GALNT17: variants seen among roughly 807,000 people sequenced by gnomAD.
GALNT17 encodes UDP-GalNAc:polypeptide N-acetylgalactosaminyltransferase-like 3.
A neutral mutation model predicts 63.7 loss-of-function variants in GALNT17; 29 were observed. That is an observed-to-expected ratio of 0.46 (90% CI 0.34 to 0.62). GALNT17 has a LOEUF of 0.62. Ranked by LOEUF, GALNT17 falls within the 20% of genes least tolerant of loss-of-function variation. The pLI is 0.01. For synonymous variants in GALNT17, 305 were observed against 318.3 expected, an observed-to-expected ratio of 0.96 and a Z score of 0.45; for missense variants, 603 against 799.6, an observed-to-expected ratio of 0.75 and a Z score of 2.97.
chr7:71,320,405 T>A (rs1278593894), intron 1 of GALNT17, among the ~76,000 whole-genome samples: 1 of 119,886 alleles, frequency 8.3e-6, no homozygotes, highest in African/African-American at 3.4e-5. Context: ...CCCAGCTAAT[T>A]TTGAAAAAAA....
At chr7:71,301,121 C>G (rs973059198) in intron 1 of GALNT17, among the ~76,000 whole-genome samples, 2 of 151,418 alleles carry the variant, frequency 1.3e-5, no homozygotes, top group African/African-American at 4.9e-5. Context: ...GACCTTATCT[C>G]TACAAAAATT....
intron 1 of GALNT17, among the ~76,000 whole-genome samples, chr7:71,256,906 A>G (rs1790299968): frequency 6.6e-6 from 1 of 152,288 alleles, no homozygotes; most frequent in South Asian, 2.1e-4. Flanking sequence ...GCTGAGAGGT[A>G]TAGATTTCCA....
rs370377741 is a variant in GALNT17, at chr7:71,457,381, AG to A, written c.962+36280del. ...TTCTGGGGTTATTTTGTTACCGGAA[AG>A]GGGTCCTGATCCAGACCCCAAGAGA... is the stretch of plus-strand genomic sequence containing the variant. On this transcript the variant is annotated intron_variant, in intron 5 of 10. Coordinates refer to ENST00000333538, the MANE Select transcript of GALNT17 (RefSeq NM_022479.3). Among the ~76,000 whole-genome samples, 830 of 152,312 alleles carry A rather than the reference AG, an allele frequency of 5.4e-3. 8 individuals are homozygous for A. The highest frequency in any genetic ancestry group is 0.019 in the African/African-American group (790 of 41,566).
intron 5 of GALNT17, among the ~76,000 whole-genome samples, chr7:71,553,142 T>C (rs1420939931): frequency 1.3e-5 from 2 of 151,934 alleles, no homozygotes; most frequent in African/African-American, 4.8e-5. Flanking sequence ...CTGGGCAACA[T>C]AGCAAGACTT....
At chr7:71,564,835 C>G (rs1380776870) in intron 5 of GALNT17, among the ~76,000 whole-genome samples, 1 of 152,168 alleles carries the variant, frequency 6.6e-6, no homozygotes, top group African/African-American at 2.4e-5. Flanking sequence ...AATCCCAGGA[C>G]TCAGAGAACC....
intron 5 of GALNT17, among the ~76,000 whole-genome samples, chr7:71,570,860 C>G (rs1435162027): frequency 6.6e-6 from 1 of 152,090 alleles, no homozygotes; most frequent in African/African-American, 2.4e-5. Flanking sequence ...ATCCTGTAAT[C>G]CCAGCTACTC....
chr7:71,285,742 AC>A (rs147603271), intron 1 of GALNT17, among the ~76,000 whole-genome samples: 5 of 152,140 alleles, frequency 3.3e-5, no homozygotes, highest in African/African-American at 1.2e-4. Context: ...GTGAGCCCTC[AC>A]CAAACACAGA....
At chr7:71,453,815 C>T (rs1432341028) in intron 5 of GALNT17, among the ~76,000 whole-genome samples, 1 of 152,214 alleles carries the variant, frequency 6.6e-6, no homozygotes, top group Non-Finnish European at 1.5e-5. Flanking sequence ...ACCTTCTCTC[C>T]TTCTCTGCAC....
At chr7:71,620,102 T>C (rs891693878) in intron 6 of GALNT17, among the ~76,000 whole-genome samples, 5 of 152,230 alleles carry the variant, frequency 3.3e-5, no homozygotes, top group African/African-American at 1.2e-4. Flanking sequence ...TAGTGATTTA[T>C]ATAAGTTGAG....
At chr7:71,448,255 G>A (rs1787193053) in intron 5 of GALNT17, among the ~76,000 whole-genome samples, 1 of 152,072 alleles carries the variant, frequency 6.6e-6, no homozygotes, top group Non-Finnish European at 1.5e-5. Context: ...ATTTGGTGAT[G>A]CTGTGTTTTG....
At chr7:71,505,287 T>C (rs975683776) in intron 5 of GALNT17, among the ~76,000 whole-genome samples, 10 of 152,152 alleles carry the variant, frequency 6.6e-5, no homozygotes, top group Admixed American at 5.9e-4. Context: ...AGTGAATTAC[T>C]TCTCATCCCT....
intron 5 of GALNT17, among the ~76,000 whole-genome samples, chr7:71,503,294 GC>G (rs2116705908): frequency 6.6e-6 from 1 of 152,272 alleles, no homozygotes; most frequent in South Asian, 2.1e-4. Flanking sequence ...AGGCTGGAGT[GC>G]AGTGGCGTGA....
At chr7:71,347,563 A>G (rs1792118153) in intron 2 of GALNT17, among the ~76,000 whole-genome samples, 1 of 152,174 alleles carries the variant, frequency 6.6e-6, no homozygotes, top group Admixed American at 6.5e-5. Context: ...CTGAAAAGTG[A>G]TATATCCTTA....
At chr7:71,212,270 A>G (rs1789395028) in intron 1 of GALNT17, among the ~76,000 whole-genome samples, 1 of 152,230 alleles carries the variant, frequency 6.6e-6, no homozygotes, top group Admixed American at 6.5e-5. Flanking sequence ...GGAAGCCCCA[A>G]GCCTTGGCAG....
intron 9 of GALNT17, among the ~76,000 whole-genome samples, chr7:71,693,217 A>G (rs569820020): frequency 1.4e-5 from 2 of 147,702 alleles, no homozygotes; most frequent in Admixed American, 1.4e-4. Flanking sequence ...ATATATATCT[A>G]CAATACATGT....
At chr7:71,375,369 CTG>C (rs1370435233) in intron 2 of GALNT17, among the ~76,000 whole-genome samples, 1 of 152,066 alleles carries the variant, frequency 6.6e-6, no homozygotes, top group Non-Finnish European at 1.5e-5. Flanking sequence ...GTTTGGAGCT[CTG>C]TAAAGGGCCA....
chr7:71,285,156 G>GT (rs1259746577), intron 1 of GALNT17, among the ~76,000 whole-genome samples: 6 of 152,142 alleles, frequency 3.9e-5, no homozygotes, highest in South Asian at 4.1e-4. Flanking sequence ...ATAATGTAAG[G>GT]TTTTTATTAA....
At chr7:71,665,371 G>C in intron 6 of GALNT17, 40 bp from the exon 7 acceptor site, 1 of 1,572,168 alleles carries the variant, frequency 6.4e-7, no homozygotes, top group Non-Finnish European at 8.6e-7. Flanking sequence ...TAGCCTCTGG[G>C]AATTTCTTTT....
intron 6 of GALNT17, among the ~76,000 whole-genome samples, chr7:71,590,743 T>G (rs1789785175): frequency 6.6e-6 from 1 of 152,214 alleles, no homozygotes; most frequent in South Asian, 2.1e-4. Flanking sequence ...TGTTTGTTTT[T>G]TGAGATGGAG....
Sources: allele counts gnomAD v4.1 joint callset (sites outside exome capture counted in the v4.1 genomes callset), GRCh38; gene constraint gnomAD v4.1.1; transcripts MANE v1.5; gene names NCBI Gene and HGNC (gene_info 2026-07-23, HGNC 2026-07-21).